Variants in DNAL4 observed in about 807,000 individuals in gnomAD.
DNAL4 encodes dynein axonemal light chain 4.
DNAL4 carries 10 observed loss-of-function variants against 12.6 expected under a neutral mutation model. The ratio of observed to expected loss-of-function variants is 0.79; its 90% confidence interval spans 0.49 to 1.34. The LOEUF (loss-of-function observed/expected upper bound fraction) is 1.34. Among genes scored for constraint, DNAL4 ranks in the 40% most tolerant of loss-of-function variants. The pLI, the probability that DNAL4 is intolerant of heterozygous loss-of-function variation, is 0.00. For synonymous variants in DNAL4, 46 were observed against 53.1 expected (o/e 0.87, Z 0.58); for missense variants, 128 against 138.1 (o/e 0.93, Z 0.37).
chr22:38,780,148 G>A (rs2093032062), intron 3 of DNAL4, among the ~76,000 whole-genome samples: 1 of 152,180 alleles, frequency 6.6e-6, no homozygotes, highest in African/African-American at 2.4e-5. Context: ...GTCTAGAGGG[G>A]CAGGGACCCC....
chr22:38,794,108 A>C lies in DNAL4; in HGVS notation c.-180T>G, dbSNP rs550921052. The C allele has an allele frequency of 2.6e-5, 4 of 152,082 alleles. No individual in the cohort carries two copies. The highest frequency in any genetic ancestry group is 5.9e-5 in the Non-Finnish European group (4 of 68,006). The allele number at this position is 152,082 out of a possible 1,614,324, so 9.4% of individuals were successfully genotyped here. ...CCGGAGCCGGGGCCGCAGCCAGCGA[A>C]CCCCCGCCAGGGTTGTCAAGGAGCG... is the stretch of plus-strand genomic sequence containing the variant. On this transcript the variant is annotated 5_prime_UTR_variant, in exon 1 of 4. Coordinates refer to ENST00000216068, the MANE Select transcript of DNAL4 (RefSeq NM_005740.3).
chr22:38,778,967 C>T lies in DNAL4; in HGVS notation c.*482G>A, dbSNP rs2093030056. On this transcript the variant is annotated 3_prime_UTR_variant, in exon 4 of 4. Transcript: ENST00000216068. The stretch of plus-strand genomic sequence containing the variant: ...GAGGGGTCAGCACCTCCCCAGAGGA[C>T]AAGGAGAGAAGCTGCCTGTGTCCCT... The T allele has an allele frequency of 6.5e-6, 1 of 152,816 alleles. No homozygotes were observed. The highest frequency in any genetic ancestry group is 6.5e-5 in the Admixed American group (1 of 15,338). The allele number at this position is 152,816 out of a possible 1,614,324, so 9.5% of individuals were successfully genotyped here. A position where few individuals can be genotyped will look rare whatever the true frequency, so the allele number is the denominator to read the frequency against.
At chr22:38,792,796 A>G (rs1238717150) in intron 1 of DNAL4, among the ~76,000 whole-genome samples, 1 of 152,162 alleles carries the variant, frequency 6.6e-6, no homozygotes, top group East Asian at 1.9e-4. Flanking sequence ...TGAAGGACCT[A>G]TCTAAGACTG....
At chr22:38,783,386 A>G (rs112967648) in intron 1 of DNAL4, among the ~76,000 whole-genome samples, 1,976 of 123,640 alleles carry the variant, frequency 0.016, 36 homozygotes, top group African/African-American at 0.041. Flanking sequence ...CACTGCATAC[A>G]CGGGCCTTCC....
Position 38,780,930 on chromosome 22 carries a change from T to C in DNAL4, c.149A>G (p.Asn50Ser), listed in dbSNP as rs1880078144. Reference sequence around the variant, plus strand: ...CGCCTGCACTGCTGGCAATACCTCGTTGTTGTTGGAGAATTTCTCACAGGC... The same window carrying C: ...CGCCTGCACTGCTGGCAATACCTCGCTGTTGTTGGAGAATTTCTCACAGGC... ...VTACEKFSNN[N>S]ESAAKMIKET... The change falls in exon 3 of 4, where the codon AAC becomes AGC. Residue 50 changes from asparagine (N) to serine (S), a missense_variant. Transcript: ENST00000216068. The C allele has an allele frequency of 1.2e-6, 2 of 1,614,144 alleles. No homozygotes were observed. The highest frequency in any genetic ancestry group is 1.7e-6 in the Non-Finnish European group (2 of 1,179,980).
Position 38,784,506 on chromosome 22 carries a change from CTT to C in DNAL4, c.-139-1638_-139-1637del, listed in dbSNP as rs1012937453. On this transcript the variant is annotated intron_variant, in intron 1 of 3. Coordinates refer to ENST00000216068, the MANE Select transcript of DNAL4 (RefSeq NM_005740.3). ...CTCTTCCCCTTTGCTGTCTCTTTCA[CTT>C]TTTTTTTTTTTTTTTTTCTTGAGAC... is the stretch of plus-strand genomic sequence containing the variant. 4.2e-3 allele frequency among the ~76,000 whole-genome samples: 581 copies of C among 139,158 alleles called. 3 individuals carry two copies. Among genetic ancestry groups the C allele is most frequent in the Non-Finnish European group, 6.3e-3 (401 of 63,988 alleles). 91.3% of individuals were successfully genotyped at this position (139,158 alleles called of 152,430 possible). A position where few individuals can be genotyped will look rare whatever the true frequency, so the allele number is the denominator to read the frequency against.
intron 1 of DNAL4, among the ~76,000 whole-genome samples, chr22:38,792,859 TAAC>T (rs1177452107): frequency 2.6e-5 from 4 of 152,158 alleles, no homozygotes. Flanking sequence ...CACTGTAAAA[TAAC>T]AATAAAAGTG....
At chr22:38,793,754 G>A (rs1332452846) in intron 1 of DNAL4, among the ~76,000 whole-genome samples, 1 of 152,170 alleles carries the variant, frequency 6.6e-6, no homozygotes, top group African/African-American at 2.4e-5. Flanking sequence ...GCGAAAGGTC[G>A]AGGGATCAAG....
intron 1 of DNAL4, chr22:38,786,029 C>T (rs892836357): frequency 2.0e-5 from 3 of 152,176 alleles, no homozygotes; most frequent in African/African-American, 7.2e-5. Flanking sequence ...AAAAAGGAAT[C>T]GTTATAGATG....
At chr22:38,781,929 G>A (rs567662667) in intron 2 of DNAL4, among the ~76,000 whole-genome samples, 2 of 152,166 alleles carry the variant, frequency 1.3e-5, no homozygotes, top group South Asian at 4.1e-4. Flanking sequence ...TTCTGCTCTG[G>A]TATCTCCAAA....
At chr22:38,786,769 G>A (rs550300322) in intron 1 of DNAL4, among the ~76,000 whole-genome samples, 7 of 152,128 alleles carry the variant, frequency 4.6e-5, no homozygotes, top group African/African-American at 1.7e-4. Flanking sequence ...CCTCTGATGT[G>A]AGGCTCTTCC....
At chr22:38,792,210 A>G (rs1287058166) in intron 1 of DNAL4, among the ~76,000 whole-genome samples, 1 of 151,920 alleles carries the variant, frequency 6.6e-6, no homozygotes, top group African/African-American at 2.4e-5. Flanking sequence ...TTGTACAGCT[A>G]TACAAAAATA....
Position 38,782,882 on chromosome 22 carries a change from A to G in DNAL4, c.-139-12T>C. 1.6e-6 allele frequency: 1 copy of G among 627,118 alleles called. No homozygotes were observed. The highest frequency in any genetic ancestry group is 2.6e-6 in the Non-Finnish European group (1 of 378,450). 38.8% of individuals were successfully genotyped at this position (627,118 alleles called of 1,614,324 possible). Reference sequence around the variant, plus strand: ...TTCCCCGGGGGGTGCTGCAGAAAACAGGAGAAACCAGAAAAAAAGAGCTGG... The same window carrying G: ...TTCCCCGGGGGGTGCTGCAGAAAACGGGAGAAACCAGAAAAAAAGAGCTGG... On this transcript the variant is annotated splice_polypyrimidine_tract_variant and intron_variant, in intron 1 of 3. Coordinates refer to ENST00000216068, the MANE Select transcript of DNAL4 (RefSeq NM_005740.3). This position sits in a 1 kb window ranked among gnomAD's most constrained non-coding sequence, Gnocchi z 5.1.
rs570172423 is a variant in DNAL4 at position 38,787,506 on chromosome 22, C to T, written c.-139-4636G>A. ...ATCCACCTGCCTCAGCCTCCCAAAGCGCTAGGATTACAGGCGTGGGCCACT... is the reference window on the plus strand; with the variant it reads ...ATCCACCTGCCTCAGCCTCCCAAAGTGCTAGGATTACAGGCGTGGGCCACT... On this transcript the variant is annotated intron_variant, in intron 1 of 3. Transcript: ENST00000216068. Among the ~76,000 whole-genome samples the T allele has an allele frequency of 3.4e-4, 51 of 152,190 alleles. 1 individual carries two copies. Among genetic ancestry groups the T allele is most frequent in the African/African-American group, 1.1e-3 (47 of 41,538 alleles).
chr22:38,793,500 C>T (rs1421090332), intron 1 of DNAL4, among the ~76,000 whole-genome samples: 1 of 152,134 alleles, frequency 6.6e-6, no homozygotes, highest in African/African-American at 2.4e-5. Flanking sequence ...ATACACGATA[C>T]CTCCCATTGG....
chr22:38,788,523 G>A (rs1289953008), intron 1 of DNAL4, among the ~76,000 whole-genome samples: 1 of 152,136 alleles, frequency 6.6e-6, no homozygotes, highest in Non-Finnish European at 1.5e-5. Context: ...GTCTGGATCT[G>A]CAATTCTCAA....
intron 1 of DNAL4, among the ~76,000 whole-genome samples, chr22:38,783,655 G>A (rs575943188): frequency 8.8e-4 from 134 of 152,360 alleles, no homozygotes; most frequent in Admixed American, 3.0e-3. Flanking sequence ...TGGCCCAGCA[G>A]CTGGGAGGCT....
rs190754087 is a variant in DNAL4, at chr22:38,787,963, C to T, written c.-139-5093G>A. 1.5e-3 allele frequency among the ~76,000 whole-genome samples: 234 copies of T among 152,300 alleles called. 3 individuals carry two copies. The highest frequency in any genetic ancestry group is 2.5e-4 in the Non-Finnish European group (17 of 68,028). ...GGAACCCCAATCCATCCTTCTGACTCGACCTTCTGTGCTTTCTCCTTTGGC... is the reference window on the plus strand; with the variant it reads ...GGAACCCCAATCCATCCTTCTGACTTGACCTTCTGTGCTTTCTCCTTTGGC... On this transcript the variant is annotated intron_variant, in intron 1 of 3. Coordinates refer to ENST00000216068, the MANE Select transcript of DNAL4 (RefSeq NM_005740.3).
chr22:38,780,825 T>C, intron 3 of DNAL4, 101 bp downstream of exon 3: 4 of 1,185,360 alleles, frequency 3.4e-6, no homozygotes, highest in Non-Finnish European at 4.9e-6. Flanking sequence ...GGCCTCATCC[T>C]AGCAGTACTG....
Sources: gnomAD v4.1 joint callset for allele counts (sites outside exome capture counted in the v4.1 genomes callset) on GRCh38, gnomAD v4.1.1 for gene constraint, Gnocchi (gnomAD v3.1) non-coding constraint, MANE v1.5 for transcripts, NCBI Gene and HGNC (gene_info 2026-07-23, HGNC 2026-07-21) for gene names.